Variants in FAM163A observed in about 807,000 individuals in gnomAD.
The protein encoded by FAM163A is family with sequence similarity 163 member A.
A neutral mutation model predicts 12.0 loss-of-function variants in FAM163A; 7 were observed. The observed-to-expected ratio is 0.58, with a 90% CI of 0.33 to 1.10. The LOEUF (loss-of-function observed/expected upper bound fraction) is 1.10. Among genes scored for constraint, FAM163A ranks in the 50% least tolerant of loss-of-function variants. The probability of loss-of-function intolerance (pLI) is 0.03; values close to 1 mark genes in which losing one functional copy is unlikely to be tolerated. For missense variants in FAM163A, 202 were observed against 218.6 expected (o/e 0.92, Z 0.48); for synonymous variants, 101 against 91.0 (o/e 1.11, Z -0.62).
At chr1:179,778,537 A>G (rs921224870) in intron 1 of FAM163A, among the ~76,000 whole-genome samples, 1 of 152,192 alleles carries the variant, frequency 6.6e-6, no homozygotes, top group African/African-American at 2.4e-5. Context: ...CCAGGAGCAG[A>G]GGGAAGGAAG....
At chr1:179,735,900 C>T in the FAM163A span, among the ~76,000 whole-genome samples, 3 of 152,084 alleles carry the variant, frequency 2.0e-5, no homozygotes, top group Non-Finnish European at 2.9e-5. Context: ...TGATCTTTAG[C>T]GAAAGTACCA....
At chr1:179,766,772 G>A (rs1166740760) in intron 1 of FAM163A, among the ~76,000 whole-genome samples, 1 of 149,034 alleles carries the variant, frequency 6.7e-6, no homozygotes, top group Non-Finnish European at 1.5e-5. Flanking sequence ...TTTTCGGTTT[G>A]GAGACGTAGT....
intron 1 of FAM163A, among the ~76,000 whole-genome samples, chr1:179,775,809 G>C (rs1300768847): frequency 6.6e-6 from 1 of 152,202 alleles, no homozygotes; most frequent in East Asian, 1.9e-4. Flanking sequence ...AAAAGAGCTG[G>C]GGCCGACCTT....
intron 1 of FAM163A, among the ~76,000 whole-genome samples, chr1:179,801,897 G>A (rs547538406): frequency 6.6e-6 from 1 of 152,298 alleles, no homozygotes; most frequent in South Asian, 2.1e-4. Context: ...GGTCTAAACT[G>A]TAAAGGAGAA....
At chr1:179,807,487 C>G (rs569513870) in intron 1 of FAM163A, among the ~76,000 whole-genome samples, 2 of 152,300 alleles carry the variant, frequency 1.3e-5, no homozygotes, top group South Asian at 4.1e-4. Context: ...AGCCGAGCGC[C>G]CTGCCCCACT....
At chr1:179,733,711 C>G in the FAM163A span, among the ~76,000 whole-genome samples, 1 of 152,132 alleles carries the variant, frequency 6.6e-6, no homozygotes, top group Admixed American at 6.6e-5. Flanking sequence ...TGACCCACTT[C>G]AAAACAGGCA....
At chr1:179,743,176 C>T (rs147875154), upstream of FAM163A, 1 of 152,508 alleles carries the variant, frequency 6.6e-6, no homozygotes, top group Non-Finnish European at 1.5e-5. Context: ...GTGCATCAGC[C>T]TCTCTGGCGG....
chr1:179,775,350 A>G (rs549665952), intron 1 of FAM163A, among the ~76,000 whole-genome samples: 1 of 152,354 alleles, frequency 6.6e-6, no homozygotes, highest in South Asian at 2.1e-4. Context: ...CTTAGTCTAC[A>G]ATCAGTCTGA....
chr1:179,761,974 T>C (rs1222823521), intron 1 of FAM163A, among the ~76,000 whole-genome samples: 15 of 152,288 alleles, frequency 9.8e-5, no homozygotes, highest in Middle Eastern at 3.4e-3. Flanking sequence ...ACAGAGCTTG[T>C]GTTTTAACAT....
At chr1:179,766,987 C>G (rs1418298782) in intron 1 of FAM163A, among the ~76,000 whole-genome samples, 1 of 152,170 alleles carries the variant, frequency 6.6e-6, no homozygotes, top group African/African-American at 2.4e-5. Context: ...AGCTCCTGAC[C>G]TCAGGTGATC....
At chr1:179,802,663 C>G (rs1406489462) in intron 1 of FAM163A, among the ~76,000 whole-genome samples, 1 of 152,218 alleles carries the variant, frequency 6.6e-6, no homozygotes, top group Non-Finnish European at 1.5e-5. Context: ...GTCACTCCCT[C>G]AGTGGCTGCC....
At position 179,813,818 on chromosome 1, in the gene FAM163A, G is replaced by A; in HGVS notation, c.133G>A (p.Glu45Lys). 1.2e-6 allele frequency: 2 copies of A among 1,614,016 alleles called. No individual in the cohort carries two copies. Among genetic ancestry groups the A allele is most frequent in the Non-Finnish European group, 1.7e-6 (2 of 1,180,012 alleles). ...CKKSGTEVADEEEEREHDLPT... is the reference protein window; with the variant it reads ...CKKSGTEVADKEEEREHDLPT... The stretch of plus-strand genomic sequence containing the variant: ...GAAGAGCGGAACCGAGGTTGCAGAC[G>A]AGGAGGAGGAGCGGGAGCACGACCT... The change falls in exon 5 of 5, where the codon GAG (glutamate) becomes AAG (lysine). Residue 45 changes from glutamate (E) to lysine (K), a missense_variant. By Grantham distance (56) the Glu-to-Lys change is moderately conservative (BLOSUM62 1). Coordinates refer to ENST00000341785, the MANE Select transcript of FAM163A (RefSeq NM_173509.3).
intron 1 of FAM163A, among the ~76,000 whole-genome samples, chr1:179,786,938 A>C (rs536601330): frequency 1.3e-5 from 2 of 152,226 alleles, no homozygotes; most frequent in East Asian, 1.9e-4. Context: ...AGAGTTCTCC[A>C]CTGGCTCCTT....
At chr1:179,766,575 A>G (rs1002269051) in intron 1 of FAM163A, among the ~76,000 whole-genome samples, 6 of 152,202 alleles carry the variant, frequency 3.9e-5, no homozygotes, top group Non-Finnish European at 7.4e-5. Flanking sequence ...CACATGTTAA[A>G]TAAATGTGTA....
intron 1 of FAM163A, among the ~76,000 whole-genome samples, chr1:179,805,672 C>T (rs1373373166): frequency 6.6e-6 from 1 of 152,218 alleles, no homozygotes; most frequent in African/African-American, 2.4e-5. Context: ...GGCCCCCACA[C>T]GTCCCTCTGC....
At chr1:179,731,445 G>A in the FAM163A span, among the ~76,000 whole-genome samples, 1 of 152,208 alleles carries the variant, frequency 6.6e-6, no homozygotes. Context: ...TTCTTCTCTA[G>A]ATAGCGATCA....
chr1:179,814,397 T>TG lies in FAM163A; in HGVS notation c.*213dup. ...TGGCTCCAACTCTGTGGGCCAGAGG[T>TG]GGGGGACTGCTAGGTCGAGTCTGCA... On this transcript the variant is annotated 3_prime_UTR_variant, in exon 5 of 5. Coordinates refer to ENST00000341785, the MANE Select transcript of FAM163A (RefSeq NM_173509.3). 3.1e-6 allele frequency: 2 copies of TG among 652,592 alleles called. No homozygotes were observed. The highest frequency in any genetic ancestry group is 5.0e-6 in the Non-Finnish European group (2 of 403,768). 40.4% of individuals were successfully genotyped at this position (652,592 alleles called of 1,614,324 possible).
At chr1:179,785,411 T>G (rs1473504038) in intron 1 of FAM163A, among the ~76,000 whole-genome samples, 1 of 152,212 alleles carries the variant, frequency 6.6e-6, no homozygotes, top group Non-Finnish European at 1.5e-5. Flanking sequence ...TGAGAGAACA[T>G]GAAGACGGAG....
At chr1:179,772,012 C>T (rs574719119) in intron 1 of FAM163A, among the ~76,000 whole-genome samples, 74 of 152,140 alleles carry the variant, frequency 4.9e-4, no homozygotes, top group Non-Finnish European at 9.3e-4. Flanking sequence ...TCAGCTGCTC[C>T]AAATGACCCC....
Sources: allele counts gnomAD v4.1 joint callset (sites outside exome capture counted in the v4.1 genomes callset), GRCh38; gene constraint gnomAD v4.1.1; transcripts MANE v1.5; gene names NCBI Gene and HGNC (gene_info 2026-07-23, HGNC 2026-07-21).